HDAC9: variants seen among roughly 807,000 people sequenced by gnomAD.
HDAC9 encodes histone deacetylase 9.
HDAC9 carries 41 observed loss-of-function variants against 139.4 expected under a neutral mutation model. The observed-to-expected ratio is 0.29, with a 90% CI of 0.23 to 0.38. The LOEUF (loss-of-function observed/expected upper bound fraction) is 0.38. Among genes scored for constraint, HDAC9 ranks in the 10% least tolerant of loss-of-function variants. HDAC9 has a pLI of 1.00. For synonymous variants in HDAC9, 517 were observed against 476.2 expected (o/e 1.09, Z -1.12); for missense variants, 1,147 against 1,297.0 (o/e 0.88, Z 1.78).
At chr7:18,933,987 T>C (rs1781442200) in intron 22 of HDAC9, among the ~76,000 whole-genome samples, 1 of 151,774 alleles carries the variant, frequency 6.6e-6, no homozygotes, top group Non-Finnish European at 1.5e-5. Flanking sequence ...CAGAGAGAGA[T>C]GGAAAATATG....
At chr7:18,259,919 T>C (rs1464245176) in intron 2 of HDAC9, among the ~76,000 whole-genome samples, 1 of 152,214 alleles carries the variant, frequency 6.6e-6, no homozygotes, top group Non-Finnish European at 1.5e-5. Flanking sequence ...CCCATCACTA[T>C]GTACTTCATA....
intron 1 of HDAC9, among the ~76,000 whole-genome samples, chr7:18,383,894 CAA>C (rs879521627): frequency 1.9e-4 from 18 of 93,046 alleles, no homozygotes; most frequent in Admixed American, 3.6e-4. Flanking sequence ...GACTCCGTCT[CAA>C]AAAAAAAAAA....
intron 1 of HDAC9, among the ~76,000 whole-genome samples, chr7:18,097,338 A>G (rs1782572437): frequency 6.6e-6 from 1 of 152,192 alleles, no homozygotes; most frequent in Non-Finnish European, 1.5e-5. Flanking sequence ...ATTCTTTCCT[A>G]AATGACCAGC....
intron 3 of HDAC9, among the ~76,000 whole-genome samples, chr7:18,587,931 A>C (rs369847004): frequency 1.3e-5 from 2 of 152,238 alleles, no homozygotes; most frequent in African/African-American, 4.8e-5. Context: ...GAAGCACCAA[A>C]TTAATTTGAC....
At chr7:18,991,360 G>T (rs1441753343) in intron 25 of HDAC9, among the ~76,000 whole-genome samples, 6 of 152,156 alleles carry the variant, frequency 3.9e-5, no homozygotes, top group Non-Finnish European at 8.8e-5. Flanking sequence ...AAGTCATCAG[G>T]CTGGGCACAG....
intron 2 of HDAC9, among the ~76,000 whole-genome samples, chr7:18,576,991 A>G (rs1320046754): frequency 1.3e-5 from 2 of 152,250 alleles, no homozygotes; most frequent in Non-Finnish European, 2.9e-5. Context: ...CCATTCCATG[A>G]CATACTTCCA....
intron 1 of HDAC9, among the ~76,000 whole-genome samples, chr7:18,144,064 G>A (rs899307062): frequency 6.6e-6 from 1 of 151,988 alleles, no homozygotes; most frequent in African/African-American, 2.4e-5. Flanking sequence ...TGATTTTAAT[G>A]ACTTTCAGAC....
At chr7:18,827,512 C>T (rs1585112199) in intron 17 of HDAC9, among the ~76,000 whole-genome samples, 1 of 152,068 alleles carries the variant, frequency 6.6e-6, no homozygotes, top group Admixed American at 6.6e-5. Context: ...CAGCATAGAA[C>T]ATTTTCTAAA....
At chr7:18,575,015 G>A (rs1420078409) in intron 2 of HDAC9, among the ~76,000 whole-genome samples, 2 of 152,250 alleles carry the variant, frequency 1.3e-5, no homozygotes, top group Non-Finnish European at 1.5e-5. Flanking sequence ...GCTCCATGGA[G>A]TGGGCAGCCC....
chr7:18,754,926 C>T (rs145991817), intron 14 of HDAC9, among the ~76,000 whole-genome samples: 3 of 152,262 alleles, frequency 2.0e-5, no homozygotes, highest in South Asian at 2.1e-4. Flanking sequence ...GATATCAAGA[C>T]TGCAAAGCGC....
chr7:18,564,688 T>A (rs565547542), intron 2 of HDAC9, among the ~76,000 whole-genome samples: 2 of 152,124 alleles, frequency 1.3e-5, no homozygotes, highest in East Asian at 1.9e-4. Flanking sequence ...CTATACCTAT[T>A]CCTTTTCGTT....
intron 25 of HDAC9, among the ~76,000 whole-genome samples, chr7:18,980,159 A>G (rs1342961764): frequency 6.6e-6 from 1 of 152,104 alleles, no homozygotes; most frequent in African/African-American, 2.4e-5. Context: ...CAACGTGTCT[A>G]ACATGTGGTC....
intron 6 of HDAC9, among the ~76,000 whole-genome samples, chr7:18,615,498 A>G (rs1442399685): frequency 6.6e-6 from 1 of 152,216 alleles, no homozygotes; most frequent in Non-Finnish European, 1.5e-5. Flanking sequence ...ACCCTATGGA[A>G]CTTTTACAGA....
chr7:18,872,209 C>A (rs928971436), intron 21 of HDAC9, among the ~76,000 whole-genome samples: 1 of 151,858 alleles, frequency 6.6e-6, no homozygotes, highest in African/African-American at 2.4e-5. Flanking sequence ...TCTAAATTTC[C>A]CATCTTTTTC....
At chr7:18,619,096 G>A (rs193010836) in intron 6 of HDAC9, among the ~76,000 whole-genome samples, 2 of 152,166 alleles carry the variant, frequency 1.3e-5, no homozygotes, top group African/African-American at 4.8e-5. Context: ...AAAAATTAAA[G>A]CATATAAAGG....
At chr7:18,916,257 G>C (rs751590393) in intron 22 of HDAC9, among the ~76,000 whole-genome samples, 100 of 152,094 alleles carry the variant, frequency 6.6e-4, no homozygotes, top group Non-Finnish European at 1.2e-3. Flanking sequence ...AGAGTAATTA[G>C]AGTTTGACCC....
At chr7:18,819,291 A>G (rs962176808) in intron 17 of HDAC9, among the ~76,000 whole-genome samples, 4 of 152,138 alleles carry the variant, frequency 2.6e-5, no homozygotes, top group African/African-American at 9.7e-5. Flanking sequence ...AAATAATAAT[A>G]ATAATAAATA....
At chr7:18,338,156 A>G (rs545443562) in intron 1 of HDAC9, among the ~76,000 whole-genome samples, 106 of 151,852 alleles carry the variant, frequency 7.0e-4, no homozygotes, top group African/African-American at 2.2e-3. Context: ...TTTCAGAAGT[A>G]GAAATAGAAT....
chr7:18,460,742 C>T (rs939966455), intron 1 of HDAC9, among the ~76,000 whole-genome samples: 2 of 146,126 alleles, frequency 1.4e-5, no homozygotes, highest in African/African-American at 5.1e-5. Context: ...GAGCTGAGAT[C>T]GCGCCATTGC....
Sources: allele counts gnomAD v4.1 joint callset (sites outside exome capture counted in the v4.1 genomes callset), GRCh38; gene constraint gnomAD v4.1.1; transcripts MANE v1.5; gene names NCBI Gene and HGNC (gene_info 2026-07-23, HGNC 2026-07-21).